ZNF286A: variants seen among roughly 807,000 people sequenced by gnomAD.
ZNF286A encodes zinc finger protein ZNF286.
ZNF286A carries 34 observed loss-of-function variants against 49.3 expected under a neutral mutation model. That is an observed-to-expected ratio of 0.69 (90% CI 0.52 to 0.92). The LOEUF is 0.92. Among genes scored for constraint, ZNF286A ranks in the 40% least tolerant of loss-of-function variants. The pLI, the probability that ZNF286A is intolerant of heterozygous loss-of-function variation, is 0.00. For missense variants in ZNF286A, 462 were observed against 600.2 expected (o/e 0.77, Z 2.41); for synonymous variants, 155 against 200.4 (o/e 0.77, Z 1.91).
intron 4 of ZNF286A, among the ~76,000 whole-genome samples, chr17:15,707,082 T>C (rs1990281567): frequency 6.6e-6 from 1 of 152,130 alleles, no homozygotes; most frequent in Admixed American, 6.5e-5. Context: ...ATGCATATGA[T>C]TGTATGAGGG....
At position 15,701,240 on chromosome 17, in the gene ZNF286A, G is replaced by A. The variant is rs1989753192; in HGVS notation, c.126G>A (p.Gln42=). The A allele has an allele frequency of 1.2e-6, 2 of 1,613,880 alleles. No homozygotes were observed. The highest frequency in any genetic ancestry group is 2.2e-5 in the East Asian group (1 of 44,888). ...CTCTGCGCCTCACGGCCAGATCCCAGGTGAGTGAGTGCTGATTATTGGAAT... is the reference window on the plus strand; with the variant it reads ...CTCTGCGCCTCACGGCCAGATCCCAAGTGAGTGAGTGCTGATTATTGGAAT... ...VAALRLTARS[Q]ETVTFKDVAM... is the part of the protein sequence containing the mutation. The change falls in exon 3 of 6, where the codon CAG becomes CAA. Residue 42 remains glutamine (Q), a splice_region_variant and synonymous_variant. Coordinates refer to ENST00000583566, the MANE Select transcript of ZNF286A (RefSeq NM_001130842.2).
At chr17:15,707,330 C>G (rs1307056504) in intron 4 of ZNF286A, among the ~76,000 whole-genome samples, 3 of 151,634 alleles carry the variant, frequency 2.0e-5, no homozygotes, top group African/African-American at 4.8e-5. Context: ...GTCCCAGCTA[C>G]TCGGGAGGCT....
At chr17:15,707,242 C>T (rs1597715994) in intron 4 of ZNF286A, among the ~76,000 whole-genome samples, 1 of 151,880 alleles carries the variant, frequency 6.6e-6, no homozygotes. Flanking sequence ...AGATCGAGAC[C>T]ATCCTGGCTA....
chr17:15,706,261 T>G (rs1414641788), intron 3 of ZNF286A, 126 bp from the exon 4 acceptor site: 2 of 690,286 alleles, frequency 2.9e-6, no homozygotes, highest in Non-Finnish European at 5.1e-6. Context: ...AGAATACTTG[T>G]CATTTATCAT....
At chr17:15,713,988 G>A (rs1210533916) in intron 5 of ZNF286A, among the ~76,000 whole-genome samples, 1 of 151,892 alleles carries the variant, frequency 6.6e-6, no homozygotes, top group Admixed American at 6.6e-5. Context: ...GAAACAAGTG[G>A]CTGGTTCAGC....
chr17:15,709,827 A>T (rs1484645422), intron 5 of ZNF286A: 3 of 1,547,428 alleles, frequency 1.9e-6, no homozygotes, highest in Admixed American at 3.9e-5. Context: ...AGTTGCAGTG[A>T]TCATCCTTTT....
chr17:15,706,588 T>G (rs1990243031), intron 4 of ZNF286A, 87 bp downstream of exon 4: 1 of 1,010,826 alleles, frequency 9.9e-7, no homozygotes. Context: ...GCCTTCACCT[T>G]TGCATTCAGG....
chr17:15,713,171 G>A (rs931209444), intron 5 of ZNF286A, among the ~76,000 whole-genome samples: 4 of 152,106 alleles, frequency 2.6e-5, no homozygotes, highest in African/African-American at 7.2e-5. Flanking sequence ...TGGGTGGGTT[G>A]ATTGAGCCCA....
At chr17:15,702,173 T>TAC (rs1989827016) in intron 3 of ZNF286A, among the ~76,000 whole-genome samples, 5 of 151,500 alleles carry the variant, frequency 3.3e-5, no homozygotes, top group Non-Finnish European at 5.9e-5. Flanking sequence ...ACTATATCAG[T>TAC]GATTATTGCA....
chr17:15,705,463 A>G (rs553827246), intron 3 of ZNF286A, among the ~76,000 whole-genome samples: 6 of 152,282 alleles, frequency 3.9e-5, no homozygotes, highest in African/African-American at 1.4e-4. Context: ...GTTTAAAGCT[A>G]CAAAATTTCC....
In ZNF286A at chr17:15,716,416, T is replaced by C; in HGVS notation, c.692T>C (p.Met231Thr). 3 of 1,613,104 alleles carry C rather than the reference T, an allele frequency of 1.9e-6. No individual in the cohort carries two copies. The highest frequency in any genetic ancestry group is 2.5e-6 in the Non-Finnish European group (3 of 1,179,696). ...EKSLKQKSNL[M>T]KKQRTYKEKK... ...AGCTTGAAACAAAAATCAAACTTAATGAAAAAGCAGAGAACTTATAAAGAG... is the reference window on the plus strand; with the variant it reads ...AGCTTGAAACAAAAATCAAACTTAACGAAAAAGCAGAGAACTTATAAAGAG... The change falls in exon 6 of 6, where the codon ATG becomes ACG. Residue 231 changes from methionine (M) to threonine (T), a missense_variant. Transcript: ENST00000583566.
At chr17:15,705,511 T>C (rs191453696) in intron 3 of ZNF286A, among the ~76,000 whole-genome samples, 95 of 152,326 alleles carry the variant, frequency 6.2e-4, no homozygotes, top group Admixed American at 3.9e-3. Flanking sequence ...TTTTTTTTCC[T>C]ATTTTATTTC....
chr17:15,711,410 T>C (rs922135706), intron 5 of ZNF286A: 2 of 152,212 alleles, frequency 1.3e-5, no homozygotes, highest in Non-Finnish European at 2.9e-5. Context: ...TTTTGAACAA[T>C]TAAATATTCT....
chr17:15,716,239 A>AT lies in ZNF286A; in HGVS notation c.518dup (p.Leu173PhefsTer13), dbSNP rs974614025. The AT allele has an allele frequency of 1.2e-6, 2 of 1,613,812 alleles. No individual in the cohort carries two copies. The highest frequency in any genetic ancestry group is 2.7e-5 in the African/African-American group (2 of 74,942). On this transcript the variant is annotated frameshift_variant, in exon 6 of 6. Transcript: ENST00000583566. LOFTEE classifies it high-confidence loss of function. ...AATCAGCAAGGAAATCAGGAGAGAC[A>AT]TTTGAGAGAAATGTTCACTCACATG...
At chr17:15,713,173 T>C (rs1483542357) in intron 5 of ZNF286A, among the ~76,000 whole-genome samples, 1 of 152,144 alleles carries the variant, frequency 6.6e-6, no homozygotes, top group African/African-American at 2.4e-5. Flanking sequence ...GGTGGGTTGA[T>C]TGAGCCCAGG....
intron 5 of ZNF286A, among the ~76,000 whole-genome samples, chr17:15,712,276 C>T (rs1990731264): frequency 6.6e-6 from 1 of 152,210 alleles, no homozygotes; most frequent in Non-Finnish European, 1.5e-5. Context: ...AACTGATCAA[C>T]TGTTTGCAGC....
At chr17:15,707,353 T>C (rs1263170720) in intron 4 of ZNF286A, among the ~76,000 whole-genome samples, 1 of 150,082 alleles carries the variant, frequency 6.7e-6, no homozygotes, top group African/African-American at 2.5e-5. Flanking sequence ...GGCAGGAGAA[T>C]GGCATGACCC....
chr17:15,717,930 A>AT lies in ZNF286A; in HGVS notation c.*661dup, dbSNP rs769116482. On this transcript the variant is annotated 3_prime_UTR_variant, in exon 6 of 6. Transcript: ENST00000583566. Reference sequence around the variant, plus strand: ...TTCACATGGATTATGTACATCATTGATTTTTTTTTTTTTTTTTTTTTGAGA... The same window carrying AT: ...TTCACATGGATTATGTACATCATTGATTTTTTTTTTTTTTTTTTTTTTGAGA... 0.42 allele frequency: 40,704 copies of AT among 95,984 alleles called. 9,975 individuals carry two copies. Among genetic ancestry groups the AT allele is most frequent in the South Asian group, 0.52 (1,329 of 2,560 alleles). 5.9% of individuals were successfully genotyped at this position (95,984 alleles called of 1,614,324 possible). A position where few individuals can be genotyped will look rare whatever the true frequency, so the allele number is the denominator to read the frequency against.
chr17:15,705,642 G>A (rs1363061044), intron 3 of ZNF286A, among the ~76,000 whole-genome samples: 1 of 152,076 alleles, frequency 6.6e-6, no homozygotes, highest in African/African-American at 2.4e-5. Context: ...TTAAACAGTA[G>A]GTGTTTTCCA....
Sources: gnomAD v4.1 joint callset for allele counts (sites outside exome capture counted in the v4.1 genomes callset) on GRCh38, gnomAD v4.1.1 for gene constraint, MANE v1.5 for transcripts, NCBI Gene and HGNC (gene_info 2026-07-23, HGNC 2026-07-21) for gene names.